The following UMAD1 variants were observed in gnomAD, a reference collection of about 807,000 sequenced individuals.
The protein encoded by UMAD1 is UBAP1-MVB12-associated (UMA) domain containing 1, also known as UBAP1-MVB12-associated (UMA)-domain containing protein 1.
In UMAD1, 8 loss-of-function variants were observed where a neutral mutation model predicts 6.1. The ratio of observed to expected loss-of-function variants is 1.30; its 90% CI spans 0.76 to 2.35. The LOEUF is 2.35. Ranked by LOEUF, UMAD1 falls within the 30% of genes most tolerant of loss-of-function variation. The probability of loss-of-function intolerance (pLI) is 0.00; values close to 1 mark genes in which losing one functional copy is unlikely to be tolerated. For missense variants in UMAD1, 130 were observed against 78.4 expected, an observed-to-expected ratio of 1.66 and a Z score of -2.49; for synonymous variants, 56 against 31.4, an observed-to-expected ratio of 1.78 and a Z score of -2.61.
chr7:7,711,725 T>A (rs1156479724), intron 2 of UMAD1, among the ~76,000 whole-genome samples: 1 of 152,180 alleles, frequency 6.6e-6, no homozygotes, highest in African/African-American at 2.4e-5. Flanking sequence ...TAAGGGGATC[T>A]AGTTACAAAT....
At chr7:7,717,203 T>C (rs896165173) in intron 2 of UMAD1, among the ~76,000 whole-genome samples, 7 of 151,932 alleles carry the variant, frequency 4.6e-5, no homozygotes, top group African/African-American at 1.5e-4. Context: ...ACTACCGGTA[T>C]GCGCCACCAC....
In UMAD1 at chr7:7,670,060, CA is replaced by C. The variant is rs1246542907; in HGVS notation, c.-63-3248del. Reference sequence around the variant, plus strand: ...TGTGTTTAAATTTGATGTTTTAGGTCATTAAAAATTTTAACGTTTCACTTAA... The same window carrying C: ...TGTGTTTAAATTTGATGTTTTAGGTCTTAAAAATTTTAACGTTTCACTTAA... On this transcript the variant is annotated intron_variant, in intron 1 of 3. Transcript: ENST00000682710. Among the ~76,000 whole-genome samples, 6 of 152,262 alleles carry C rather than the reference CA, an allele frequency of 3.9e-5. No individual in the cohort carries two copies. The East Asian group carries it at 9.7e-4, about 25-fold the overall frequency.
intron 2 of UMAD1, among the ~76,000 whole-genome samples, chr7:7,791,535 A>G (rs1047531305): frequency 1.3e-5 from 2 of 152,230 alleles, no homozygotes; most frequent in African/African-American, 4.8e-5. Context: ...TTCAGTTTCT[A>G]GTCTTCCAGC....
intron 3 of UMAD1, among the ~76,000 whole-genome samples, chr7:7,814,976 C>G (rs1308048951): frequency 6.6e-6 from 1 of 152,200 alleles, no homozygotes; most frequent in Non-Finnish European, 1.5e-5. Flanking sequence ...AGTCTCACTA[C>G]TTGTCACATC....
chr7:7,705,048 C>T (rs1453361192), intron 2 of UMAD1, among the ~76,000 whole-genome samples: 4 of 152,096 alleles, frequency 2.6e-5, no homozygotes, highest in African/African-American at 9.7e-5. Context: ...TAACACAGGA[C>T]TACTGACATT....
At chr7:7,659,253 C>T (rs1785416791) in intron 1 of UMAD1, among the ~76,000 whole-genome samples, 6 of 152,028 alleles carry the variant, frequency 3.9e-5, no homozygotes, top group Admixed American at 3.9e-4. Context: ...TTAAAAAAGC[C>T]AGCTCCTGGA....
chr7:7,855,193 A>G (rs1783993169), intron 3 of UMAD1, among the ~76,000 whole-genome samples: 1 of 152,164 alleles, frequency 6.6e-6, no homozygotes, highest in African/African-American at 2.4e-5. Context: ...CTGTCAGTGA[A>G]TCTACCATTT....
chr7:7,702,631 C>G (rs1420099785), intron 2 of UMAD1, among the ~76,000 whole-genome samples: 1 of 152,074 alleles, frequency 6.6e-6, no homozygotes, highest in Non-Finnish European at 1.5e-5. Context: ...AAATAAAAAG[C>G]AAAAGTTTCT....
In UMAD1 at chr7:7,852,707, G is replaced by A. The variant is rs140860813; in HGVS notation, c.157-24574G>A. ...CTGGCACGTGCTAACCTTCCAACACGTAAATGAGTTCCTTCCTGTCAGCCT... is the reference window on the plus strand; with the variant it reads ...CTGGCACGTGCTAACCTTCCAACACATAAATGAGTTCCTTCCTGTCAGCCT... On this transcript the variant is annotated intron_variant, in intron 3 of 3. Coordinates refer to ENST00000682710, the MANE Select transcript of UMAD1 (RefSeq NM_001302348.2). 1.7e-3 allele frequency among the ~76,000 whole-genome samples: 257 copies of A among 152,286 alleles called. 1 individual carries two copies. The highest frequency in any genetic ancestry group is 5.9e-3 in the African/African-American group (245 of 41,566).
intron 2 of UMAD1, among the ~76,000 whole-genome samples, chr7:7,746,242 C>G (rs767576498): frequency 2.6e-5 from 4 of 152,142 alleles, no homozygotes; most frequent in Non-Finnish European, 4.4e-5. Flanking sequence ...GTACTGTTCT[C>G]ACTTTGCAAC....
rs928491033 is a variant in UMAD1, at chr7:7,750,945, G to C, written c.83-50725G>C. Among the ~76,000 whole-genome samples, 5 of 152,138 alleles carry C rather than the reference G, an allele frequency of 3.3e-5. No homozygotes were observed. The South Asian group carries it at 1.0e-3, about 31-fold the overall frequency. ...AATAAAGTATTTAATAAGAAGTAAT[G>C]ACCCCCATAATACTTTGAAATTCCC... On this transcript the variant is annotated intron_variant, in intron 2 of 3. Transcript: ENST00000682710.
chr7:7,699,843 C>CT (rs1195642781), intron 2 of UMAD1, among the ~76,000 whole-genome samples: 1 of 152,116 alleles, frequency 6.6e-6, no homozygotes, highest in Non-Finnish European at 1.5e-5. Context: ...GGTAAGAACT[C>CT]TAAACTGAGC....
chr7:7,762,401 A>G (rs1324200927), intron 2 of UMAD1, among the ~76,000 whole-genome samples: 1 of 152,216 alleles, frequency 6.6e-6, no homozygotes. Context: ...TCTTGCTAAC[A>G]TTCTTACCAC....
At chr7:7,675,884 C>G (rs1779726851) in intron 2 of UMAD1, among the ~76,000 whole-genome samples, 1 of 152,208 alleles carries the variant, frequency 6.6e-6, no homozygotes, top group Non-Finnish European at 1.5e-5. Context: ...CCTTCAGCTC[C>G]TCTGTCTGCT....
chr7:7,703,068 C>T (rs1180694231), intron 2 of UMAD1, among the ~76,000 whole-genome samples: 1 of 152,194 alleles, frequency 6.6e-6, no homozygotes, highest in Non-Finnish European at 1.5e-5. Flanking sequence ...ACTGAGTTTA[C>T]TGCCTGCTTT....
At chr7:7,789,816 A>G (rs976065123) in intron 2 of UMAD1, among the ~76,000 whole-genome samples, 1 of 152,198 alleles carries the variant, frequency 6.6e-6, no homozygotes, top group African/African-American at 2.4e-5. Flanking sequence ...ATTCTACTGT[A>G]TGTTTATACT....
intron 2 of UMAD1, among the ~76,000 whole-genome samples, chr7:7,791,499 T>C (rs1782566211): frequency 6.6e-6 from 1 of 152,238 alleles, no homozygotes; most frequent in Admixed American, 6.5e-5. Context: ...TGTACAAATG[T>C]ACATATACAA....
At chr7:7,771,634 G>A (rs1460920168) in intron 2 of UMAD1, among the ~76,000 whole-genome samples, 1 of 152,160 alleles carries the variant, frequency 6.6e-6, no homozygotes, top group African/African-American at 2.4e-5. Context: ...AGAATTAAAA[G>A]CTGTTCTAAA....
At chr7:7,666,155 T>C (rs1313830306) in intron 1 of UMAD1, among the ~76,000 whole-genome samples, 3 of 151,936 alleles carry the variant, frequency 2.0e-5, no homozygotes, top group Non-Finnish European at 4.4e-5. Context: ...TCCATATCTT[T>C]GCCCTTTGCC....
Sources: gnomAD v4.1 joint callset for allele counts (sites outside exome capture counted in the v4.1 genomes callset) on GRCh38, gnomAD v4.1.1 for gene constraint, MANE v1.5 for transcripts, NCBI Gene and HGNC (gene_info 2026-07-23, HGNC 2026-07-21) for gene names.